Variants in FAIM2 observed in about 807,000 individuals in gnomAD.
FAIM2 encodes Fas apoptotic inhibitory molecule 2, also known as protein lifeguard 2.
In FAIM2, 27 loss-of-function variants were observed where a neutral mutation model predicts 47.4. That is an observed-to-expected ratio of 0.57 (90% CI 0.42 to 0.78). The LOEUF (loss-of-function observed/expected upper bound fraction) is 0.78. Ranked by LOEUF, FAIM2 falls within the 30% of genes least tolerant of loss-of-function variation. FAIM2 has a pLI of 0.00. For synonymous variants in FAIM2, 156 were observed against 159.3 expected (o/e 0.98, Z 0.16); for missense variants, 311 against 389.4 (o/e 0.80, Z 1.69).
At chr12:49,897,457 C>T (rs1286697182) in intron 4 of FAIM2, 62 bp downstream of exon 4, 9 of 1,478,566 alleles carry the variant, frequency 6.1e-6, no homozygotes, top group Middle Eastern at 3.4e-4. Context: ...ATCATGGGTT[C>T]CCCGGCTCCA....
chr12:49,881,550 C>G (rs145091975), intron 11 of FAIM2, among the ~76,000 whole-genome samples: 1 of 152,264 alleles, frequency 6.6e-6, no homozygotes, highest in Non-Finnish European at 1.5e-5. Flanking sequence ...TAGAAGCCAG[C>G]TGCAGGCATG....
At chr12:49,873,654 C>A (rs74091013) in intron 11 of FAIM2, among the ~76,000 whole-genome samples, 2 of 152,210 alleles carry the variant, frequency 1.3e-5, no homozygotes, top group South Asian at 2.1e-4. Flanking sequence ...GAAGCACCCA[C>A]GCAGGAGACC....
Position 49,889,252 on chromosome 12 carries a change from GGCCCCAACTACAGGCTGA to G in FAIM2, c.652-68_652-51del. ...TGCAGGAGCGGCCTGACCTTCCTGG[GGCCCCAACTACAGGCTGA>G]GCCCATACAGCAGGCCACAGTCTTG... is the stretch of plus-strand genomic sequence containing the variant. On this transcript the variant is annotated intron_variant, in intron 9 of 11. Transcript: ENST00000320634. The G allele has an allele frequency of 2.1e-6, 3 of 1,444,594 alleles. No individual in the cohort carries two copies. In the South Asian group the frequency reaches 3.6e-5, roughly 17 times the overall value. 89.5% of individuals were successfully genotyped at this position (1,444,594 alleles called of 1,614,324 possible).
intron 10 of FAIM2, among the ~76,000 whole-genome samples, chr12:49,888,202 G>A (rs535890358): frequency 7.9e-5 from 12 of 152,320 alleles, no homozygotes; most frequent in Non-Finnish European, 1.6e-4. Context: ...ACACACAGAG[G>A]GCCCCCAGGC....
chr12:49,899,040 G>A (rs577280927), intron 2 of FAIM2, among the ~76,000 whole-genome samples: 1 of 152,262 alleles, frequency 6.6e-6, no homozygotes, highest in African/African-American at 2.4e-5. Flanking sequence ...GAACTCCACA[G>A]TCAAACAGAC....
chr12:49,888,959 T>A lies in FAIM2; in HGVS notation c.747+148A>T, dbSNP rs1946880273. The A allele has an allele frequency of 4.6e-6, 3 of 651,242 alleles. No individual in the cohort carries two copies. In the East Asian group the frequency reaches 8.3e-5, roughly 18 times the overall value. The allele number at this position is 651,242 out of a possible 1,614,324, so 40.3% of individuals were successfully genotyped here. A position where few individuals can be genotyped will look rare whatever the true frequency, so the allele number is the denominator to read the frequency against. ...TTTGCTTACACTGCCAGCACGCCTG[T>A]GGCAGGTGCCAGGAGGGGCCGCACA... On this transcript the variant is annotated intron_variant, in intron 10 of 11. Coordinates refer to ENST00000320634, the MANE Select transcript of FAIM2 (RefSeq NM_012306.4).
rs1019115938 is a variant in FAIM2, at chr12:49,879,281, TGTATGTGTGTGG to T, written c.801+8093_801+8104del. Among the ~76,000 whole-genome samples the T allele has an allele frequency of 1.4e-3, 40 of 29,296 alleles. 5 individuals carry two copies. Among genetic ancestry groups the T allele is most frequent in the East Asian group, 7.6e-3 (8 of 1,058 alleles). 19.2% of individuals were successfully genotyped at this position (29,296 alleles called of 152,430 possible). A position where few individuals can be genotyped will look rare whatever the true frequency, so the allele number is the denominator to read the frequency against. On this transcript the variant is annotated intron_variant, in intron 11 of 11. Coordinates refer to ENST00000320634, the MANE Select transcript of FAIM2 (RefSeq NM_012306.4). The stretch of plus-strand genomic sequence containing the variant: ...GTGTATGTGTGCATGTGTATATGTG[TGTATGTGTGTGG>T]GTATGTGTATGCATGTGCATGTGTA...
chr12:49,897,769 C>G (rs532574986), intron 3 of FAIM2, among the ~76,000 whole-genome samples, 186 bp from the exon 4 acceptor site: 2 of 151,342 alleles, frequency 1.3e-5, no homozygotes, highest in Admixed American at 6.6e-5. Flanking sequence ...AGCGCACCCC[C>G]CCCCAGCATT....
chr12:49,890,871 T>C, intron 6 of FAIM2, 149 bp from the exon 7 acceptor site: 1 of 875,590 alleles, frequency 1.1e-6, no homozygotes, highest in Non-Finnish European at 1.9e-6. Flanking sequence ...ATTTGCTCCC[T>C]TCTCCATTCC....
At chr12:49,879,076 G>A (rs1231307375) in intron 11 of FAIM2, among the ~76,000 whole-genome samples, 2 of 134,116 alleles carry the variant, frequency 1.5e-5, no homozygotes, top group Non-Finnish European at 3.1e-5. Context: ...ATATGTGCAT[G>A]TGTATGTGTC....
chr12:49,879,876 ATGTGTATG>A (rs1946794020), intron 11 of FAIM2, among the ~76,000 whole-genome samples: 1 of 116,608 alleles, frequency 8.6e-6, no homozygotes, highest in Non-Finnish European at 1.9e-5. Context: ...ATGTACGTGT[ATGTGTATG>A]TGTGCATGTG....
intron 11 of FAIM2, among the ~76,000 whole-genome samples, chr12:49,882,371 A>T (rs1946832156): frequency 6.6e-6 from 1 of 152,096 alleles, no homozygotes; most frequent in Non-Finnish European, 1.5e-5. Flanking sequence ...ATGGGAGGGT[A>T]AGGGGATTTA....
chr12:49,880,507 A>ATGTGTGTGTAT (rs1565615034), intron 11 of FAIM2, among the ~76,000 whole-genome samples: 2 of 34,766 alleles, frequency 5.8e-5, no homozygotes, highest in African/African-American at 2.1e-4. Context: ...TGTGTGTATG[A>ATGTGTGTGTAT]GTGTGTATGT....
intron 10 of FAIM2, among the ~76,000 whole-genome samples, chr12:49,888,014 C>T (rs934176340): frequency 6.6e-6 from 1 of 152,216 alleles, no homozygotes; most frequent in African/African-American, 2.4e-5. Context: ...AGTCTTCCTC[C>T]AGGTCTGGAG....
Position 49,898,042 on chromosome 12 carries a change from A to G in FAIM2, c.260T>C (p.Leu87Pro). The G allele has an allele frequency of 1.2e-6, 2 of 1,613,946 alleles. No homozygotes were observed. Among genetic ancestry groups the G allele is most frequent in the Non-Finnish European group, 1.7e-6 (2 of 1,179,966 alleles). ...GTCATCCCAGCTGAAAGTGGTGAAG[A>G]GCTCATGGTCTCCGGTGGGGAAACC... ...DNGFPTGDHELFTTFSWDDQK... is the reference protein window; with the variant it reads ...DNGFPTGDHEPFTTFSWDDQK... Residue 87 changes from leucine to proline, a missense_variant, in exon 3 of 12, where the codon CTC becomes CCC. By Grantham distance (98) the Leu-to-Pro change is moderately conservative. Coordinates refer to ENST00000320634, the MANE Select transcript of FAIM2 (RefSeq NM_012306.4).
rs1012801521 is a variant in FAIM2, at chr12:49,898,027, C to A, written c.275G>T (p.Ser92Ile). The change falls in exon 3 of 12, where the codon AGC (serine) becomes ATC (isoleucine). Residue 92 changes from serine to isoleucine, a missense_variant. Coordinates refer to ENST00000320634, the MANE Select transcript of FAIM2 (RefSeq NM_012306.4). The stretch of plus-strand genomic sequence containing the variant: ...TCGACGAACTTTCTGGTCATCCCAG[C>A]TGAAAGTGGTGAAGAGCTCATGGTC... ...TGDHELFTTF[S>I]WDDQKVRRVF... 1.5e-5 allele frequency: 24 copies of A among 1,614,010 alleles called. No individual in the cohort carries two copies. The highest frequency in any genetic ancestry group is 2.5e-6 in the Non-Finnish European group (3 of 1,179,998).
intron 1 of FAIM2, among the ~76,000 whole-genome samples, chr12:49,903,344 G>A (rs894213295): frequency 1.3e-5 from 2 of 152,254 alleles, no homozygotes; most frequent in Non-Finnish European, 2.9e-5. Flanking sequence ...TCCGTGGAGG[G>A]TGGGAAAGAT....
chr12:49,897,422 C>T, intron 4 of FAIM2, 97 bp downstream of exon 4: 2 of 1,167,172 alleles, frequency 1.7e-6, no homozygotes, highest in Non-Finnish European at 2.5e-6. Context: ...GGCATCTCTC[C>T]AGGCAGCATT....
chr12:49,898,154 A>G (rs1946953546), intron 2 of FAIM2, 64 bp from the exon 3 acceptor site: 14 of 1,131,144 alleles, frequency 1.2e-5, no homozygotes, highest in Non-Finnish European at 1.8e-5. Flanking sequence ...TGTCCCCAAC[A>G]GCCCCCAACT....
Sources: allele counts gnomAD v4.1 joint callset (sites outside exome capture counted in the v4.1 genomes callset), GRCh38; gene constraint gnomAD v4.1.1; transcripts MANE v1.5; gene names NCBI Gene and HGNC (gene_info 2026-07-23, HGNC 2026-07-21).